Variants in PSD3 observed in about 807,000 individuals in gnomAD.
PSD3 encodes PH and SEC7 domain-containing protein 3.
Under a neutral mutation model 105.5 loss-of-function variants are expected in PSD3, and 49 were observed. The observed-to-expected ratio is 0.46, with a 90% confidence interval of 0.37 to 0.59. The LOEUF (loss-of-function observed/expected upper bound fraction) is 0.59. PSD3 is among the 20% of genes least tolerant of loss of function. PSD3 has a pLI of 0.00. For missense variants in PSD3, 1,561 were observed against 1,263.8 expected (o/e 1.24, Z -3.57); for synonymous variants, 557 against 457.8 (o/e 1.22, Z -2.77).
At chr8:19,064,450 C>A (rs1301476048) in intron 1 of PSD3, among the ~76,000 whole-genome samples, 1 of 152,000 alleles carries the variant, frequency 6.6e-6, no homozygotes, top group African/African-American at 2.4e-5. Context: ...TACAAGCATA[C>A]GATGTGTAAT....
intron 1 of PSD3, among the ~76,000 whole-genome samples, chr8:19,033,091 A>G (rs1180014528): frequency 1.1e-4 from 17 of 149,290 alleles, no homozygotes; most frequent in East Asian, 5.9e-4. Context: ...ATCTCAAAAC[A>G]AACAAACAAA....
chr8:19,047,513 AG>A (rs1828363456), intron 1 of PSD3, among the ~76,000 whole-genome samples: 1 of 152,104 alleles, frequency 6.6e-6, no homozygotes, highest in African/African-American at 2.4e-5. Context: ...AAGAATGTGG[AG>A]GGGGTAAATG....
At chr8:18,898,929 T>C (rs962127301) in intron 2 of PSD3, among the ~76,000 whole-genome samples, 2 of 152,172 alleles carry the variant, frequency 1.3e-5, no homozygotes, top group East Asian at 1.9e-4. Flanking sequence ...GACATAATCA[T>C]AGTTTCTGTC....
chr8:18,828,095 G>A (rs1813380293), intron 4 of PSD3, among the ~76,000 whole-genome samples: 1 of 137,656 alleles, frequency 7.3e-6, no homozygotes, highest in Non-Finnish European at 1.5e-5. Context: ...AAAAAATGAG[G>A]TTAATGAGCT....
At chr8:18,648,387 T>G (rs986606012) in intron 10 of PSD3, among the ~76,000 whole-genome samples, 56 of 152,304 alleles carry the variant, frequency 3.7e-4, no homozygotes, top group African/African-American at 1.3e-3. Context: ...AGCAAAGAAC[T>G]TGGAGGCACT....
intron 10 of PSD3, among the ~76,000 whole-genome samples, chr8:18,650,109 T>C (rs13255121): frequency 0.25 from 37,687 of 152,104 alleles, 4,941 homozygotes; most frequent in South Asian, 0.44. Flanking sequence ...AACATGAAAG[T>C]CAAAGGATGA....
rs557987742 is a variant in PSD3, at chr8:18,862,302, G to A, written c.1634+5372C>T. Among the ~76,000 whole-genome samples the A allele has an allele frequency of 9.4e-4, 143 of 151,650 alleles. 2 individuals carry two copies. The highest frequency in any genetic ancestry group is 3.2e-3 in the African/African-American group (133 of 41,312). On this transcript the variant is annotated intron_variant, in intron 4 of 15. Transcript: ENST00000327040. Reference sequence around the variant, plus strand: ...ACGCACCTAGAAAGTGAAACAATTCGAAACCAGGAATAAATGGCTCTGAGA... The same window carrying A: ...ACGCACCTAGAAAGTGAAACAATTCAAAACCAGGAATAAATGGCTCTGAGA...
chr8:18,867,734 A>G lies in PSD3; in HGVS notation c.1574T>C (p.Leu525Pro). The G allele has an allele frequency of 6.2e-7, 1 of 1,610,952 alleles. No homozygotes were observed. Among genetic ancestry groups the G allele is most frequent in the East Asian group, 2.2e-5 (1 of 44,680 alleles). Residue 525 changes from leucine to proline, a missense_variant, in exon 4 of 16, where the codon CTG becomes CCG. By Grantham distance (98) the Leu-to-Pro change is moderately conservative. Coordinates refer to ENST00000327040, the MANE Select transcript of PSD3 (RefSeq NM_015310.4). The stretch of plus-strand genomic sequence containing the variant: ...GTAGATGGAGTCGCTGGCATCATTC[A>G]GCCCATTGGTGACGCCACTAGAATA... ...MGYSSGVTNG[L>P]NDASDSIYTK... is the part of the protein sequence containing the mutation.
At chr8:18,679,997 C>T (rs2130946636) in intron 9 of PSD3, among the ~76,000 whole-genome samples, 1 of 152,274 alleles carries the variant, frequency 6.6e-6, no homozygotes, top group Non-Finnish European at 1.5e-5. Flanking sequence ...CATTCACCTA[C>T]AACAACATAA....
intron 9 of PSD3, among the ~76,000 whole-genome samples, chr8:18,705,298 C>T (rs1158391025): frequency 3.3e-5 from 5 of 151,966 alleles, no homozygotes; most frequent in Admixed American, 1.3e-4. Context: ...GAGGCCAAGC[C>T]GGGTGGACTG....
At chr8:18,542,794 G>A (rs1310166502) in intron 15 of PSD3, among the ~76,000 whole-genome samples, 1 of 152,146 alleles carries the variant, frequency 6.6e-6, no homozygotes, top group Non-Finnish European at 1.5e-5. Context: ...TCAGGTATGT[G>A]TCTTTCATTT....
chr8:18,779,932 A>T (rs57557661), intron 8 of PSD3, among the ~76,000 whole-genome samples: 1 of 152,306 alleles, frequency 6.6e-6, no homozygotes, highest in African/African-American at 2.4e-5. Context: ...ATGTCTATCA[A>T]GCGCATTTGA....
intron 9 of PSD3, among the ~76,000 whole-genome samples, chr8:18,705,805 T>C (rs1801861678): frequency 6.6e-6 from 1 of 152,174 alleles, no homozygotes; most frequent in Admixed American, 6.5e-5. Context: ...GGAATGAGTA[T>C]TCGTGATCAA....
chr8:18,878,669 C>T (rs891334967), intron 2 of PSD3, among the ~76,000 whole-genome samples: 4 of 152,156 alleles, frequency 2.6e-5, no homozygotes, highest in Admixed American at 2.0e-4. Flanking sequence ...ATTTCAACAC[C>T]TAAACCAAAT....
chr8:19,034,051 T>C (rs952687759), intron 1 of PSD3, among the ~76,000 whole-genome samples: 1 of 152,122 alleles, frequency 6.6e-6, no homozygotes, highest in African/African-American at 2.4e-5. Context: ...GAAAACACAA[T>C]GGGCCACAGA....
chr8:18,749,247 G>A (rs1805281921), intron 9 of PSD3, among the ~76,000 whole-genome samples: 1 of 152,018 alleles, frequency 6.6e-6, no homozygotes, highest in African/African-American at 2.4e-5. Flanking sequence ...CATCCTTCCT[G>A]TCTCCACACT....
intron 3 of PSD3, 31 bp downstream of exon 3, chr8:18,871,595 C>G: frequency 6.4e-7 from 1 of 1,556,330 alleles, no homozygotes; most frequent in Non-Finnish European, 8.7e-7. Context: ...TACCAGGCAT[C>G]TGAGACAGCA....
chr8:18,735,143 C>G (rs1426199389), intron 9 of PSD3, among the ~76,000 whole-genome samples: 3 of 152,050 alleles, frequency 2.0e-5, no homozygotes, highest in Non-Finnish European at 4.4e-5. Flanking sequence ...GAATAATCAC[C>G]AAAAATCCCT....
At chr8:18,752,646 T>C (rs1805697963) in intron 9 of PSD3, among the ~76,000 whole-genome samples, 1 of 92,344 alleles carries the variant, frequency 1.1e-5, no homozygotes, top group African/African-American at 5.9e-5. Context: ...ATATATAATA[T>C]ATATAATATA....
Sources: allele counts gnomAD v4.1 joint callset (sites outside exome capture counted in the v4.1 genomes callset), GRCh38; gene constraint gnomAD v4.1.1; transcripts MANE v1.5; gene names NCBI Gene and HGNC (gene_info 2026-07-23, HGNC 2026-07-21).